ETV6: variants seen among roughly 807,000 people sequenced by gnomAD.
ETV6 encodes ETS variant transcription factor 6, also known as transcription factor ETV6.
Under a neutral mutation model 51.1 loss-of-function variants are expected in ETV6, and 16 were observed. The observed-to-expected ratio is 0.31, with a 90% CI of 0.21 to 0.48. The LOEUF (loss-of-function observed/expected upper bound fraction) is 0.48, where lower values mean the gene tolerates loss of function less well. Among genes scored for constraint, ETV6 ranks in the 20% least tolerant of loss-of-function variants. ETV6 has a pLI of 0.99. For missense variants in ETV6, 458 were observed against 594.8 expected (o/e 0.77, Z 2.39); for synonymous variants, 240 against 224.1 (o/e 1.07, Z -0.64).
At chr12:11,680,262 G>A (rs1289458260) in intron 1 of ETV6, among the ~76,000 whole-genome samples, 2 of 152,198 alleles carry the variant, frequency 1.3e-5, no homozygotes, top group Non-Finnish European at 2.9e-5. Flanking sequence ...TTGTTGGGGG[G>A]CAGGCAGTAT....
In ETV6 at chr12:11,892,478, T is replaced by C. The variant is rs552091196; in HGVS notation, c.*1432T>C. On this transcript the variant is annotated 3_prime_UTR_variant, in exon 8 of 8. Transcript: ENST00000396373. Reference sequence around the variant, plus strand: ...TGTAAAATGAGGGTAGTGCCACTTCTTAGTATTTTTGAAAGCTGTTTTAGA... The same window carrying C: ...TGTAAAATGAGGGTAGTGCCACTTCCTAGTATTTTTGAAAGCTGTTTTAGA... 5.1e-5 allele frequency: 12 copies of C among 233,180 alleles called. No homozygotes were observed. In the South Asian group the frequency reaches 2.0e-3, roughly 39 times the overall value. The allele number at this position is 233,180 out of a possible 1,614,324, so 14.4% of individuals were successfully genotyped here.
chr12:11,831,612 A>G lies in ETV6; in HGVS notation c.164-7528A>G, dbSNP rs116511397. Among the ~76,000 whole-genome samples, 143 of 152,372 alleles carry G rather than the reference A, an allele frequency of 9.4e-4. 1 individual carries two copies. The highest frequency in any genetic ancestry group is 3.3e-3 in the African/African-American group (139 of 41,594). On this transcript the variant is annotated intron_variant, in intron 2 of 7. Coordinates refer to ENST00000396373, the MANE Select transcript of ETV6 (RefSeq NM_001987.5). ...AAAAAAGGAAAAGGAGACAGGGAATATCACCTACAATTTTACTGAGTGTCA... is the reference window on the plus strand; with the variant it reads ...AAAAAAGGAAAAGGAGACAGGGAATGTCACCTACAATTTTACTGAGTGTCA...
intron 1 of ETV6, among the ~76,000 whole-genome samples, chr12:11,706,797 A>G (rs11054423): frequency 0.32 from 48,949 of 152,130 alleles, 8,082 homozygotes; most frequent in East Asian, 0.43. Context: ...GGGGCGTACA[A>G]TTTACCTTTT....
In ETV6 at chr12:11,884,522, A is replaced by G. The variant is rs780503242; in HGVS notation, c.1087A>G (p.Lys363Glu). Residue 363 changes from lysine to glutamate, a missense_variant, in exon 6 of 8, where the codon AAA (lysine) becomes GAA (glutamate). Physicochemically the swap from Lys to Glu is moderately conservative, Grantham distance 56. Around this residue, in one of 4 missense-constraint regions of ETV6, gnomAD observed 55 missense variants for 151.2 expected, o/e 0.36. Transcript: ENST00000396373. ...CGAAAACTTCATCCGATGGGAGGAC[A>G]AAGAATCCAAAATATTCCGGATAGT... Reference protein sequence around the residue: ...RYENFIRWEDKESKIFRIVDP... With the variant: ...RYENFIRWEDEESKIFRIVDP... 1 of 1,614,234 alleles carries G rather than the reference A, an allele frequency of 6.2e-7. No individual in the cohort carries two copies. The highest frequency in any genetic ancestry group is 8.5e-7 in the Non-Finnish European group (1 of 1,180,030).
At chr12:11,727,888 C>T (rs1270220388) in intron 1 of ETV6, among the ~76,000 whole-genome samples, 3 of 152,100 alleles carry the variant, frequency 2.0e-5, no homozygotes, top group African/African-American at 7.2e-5. Flanking sequence ...GGTGCGATCT[C>T]AGCTCACTCC....
chr12:11,765,493 A>C (rs1945149425), intron 2 of ETV6, among the ~76,000 whole-genome samples: 1 of 151,766 alleles, frequency 6.6e-6, no homozygotes, highest in South Asian at 2.1e-4. Context: ...TTTTAAATGG[A>C]AAATTAAAAA....
rs553489872 is a variant in ETV6, at chr12:11,806,093, G to A, written c.164-33047G>A. ...TGGCTAGAATTGTAAAGAAAAATAT[G>A]AAATTCACATGAAGGCTGGAGTTAC... On this transcript the variant is annotated intron_variant, in intron 2 of 7. Transcript: ENST00000396373. Among the ~76,000 whole-genome samples the A allele has an allele frequency of 3.9e-5, 6 of 152,290 alleles. No individual in the cohort carries two copies. In the South Asian group the frequency reaches 1.0e-3, roughly 26 times the overall value.
rs372256982 is a variant in ETV6 at position 11,676,676 on chromosome 12, G to A, written c.33+26516G>A. On this transcript the variant is annotated intron_variant, in intron 1 of 7. Transcript: ENST00000396373. ...CCTCATATGTGCCCTCATGACATCCGTTTTGAAACTTCTATCACATCACCT... is the reference window on the plus strand; with the variant it reads ...CCTCATATGTGCCCTCATGACATCCATTTTGAAACTTCTATCACATCACCT... Among the ~76,000 whole-genome samples, 87 of 152,196 alleles carry A rather than the reference G, an allele frequency of 5.7e-4. 1 individual carries two copies. The South Asian group carries it at 0.015, about 26-fold the overall frequency.
intron 2 of ETV6, among the ~76,000 whole-genome samples, chr12:11,826,838 G>A (rs1946160525): frequency 6.6e-6 from 1 of 152,144 alleles, no homozygotes. Context: ...CCTGGAAGGG[G>A]AGACGGGGTT....
chr12:11,753,772 T>C (rs1866084886), intron 2 of ETV6, among the ~76,000 whole-genome samples: 1 of 152,244 alleles, frequency 6.6e-6, no homozygotes, highest in African/African-American at 2.4e-5. Flanking sequence ...AGACGGTTGC[T>C]GGGATGTTTG....
At position 11,859,118 on chromosome 12, in the gene ETV6, G is replaced by GC. The variant is rs1565555150; in HGVS notation, c.463+5557_463+5558insC. ...TAAAGAAGATGAGGTATATGAATCT[G>GC]GTTTTTTTTTTTTTTTTTTTTTTTT... On this transcript the variant is annotated intron_variant, in intron 4 of 7. Coordinates refer to ENST00000396373, the MANE Select transcript of ETV6 (RefSeq NM_001987.5). Among the ~76,000 whole-genome samples the GC allele has an allele frequency of 5.7e-4, 24 of 41,800 alleles. 11 individuals carry two copies. Among genetic ancestry groups the GC allele is most frequent in the East Asian group, 1.5e-3 (2 of 1,318 alleles). 27.4% of individuals were successfully genotyped at this position (41,800 alleles called of 152,430 possible). A position where few individuals can be genotyped will look rare whatever the true frequency, so the allele number is the denominator to read the frequency against.
intron 2 of ETV6, among the ~76,000 whole-genome samples, chr12:11,793,357 T>C (rs1945632354): frequency 1.3e-5 from 2 of 152,234 alleles, no homozygotes; most frequent in African/African-American, 2.4e-5. Context: ...CATTTAACCA[T>C]GTTGCTGTAT....
intron 1 of ETV6, among the ~76,000 whole-genome samples, chr12:11,679,319 A>G (rs574054093): frequency 6.6e-6 from 1 of 152,358 alleles, no homozygotes; most frequent in Non-Finnish European, 1.5e-5. Context: ...GAAAGAAAAA[A>G]GTAAGACCAG....
chr12:11,747,121 G>A (rs1349445820), intron 1 of ETV6, among the ~76,000 whole-genome samples: 1 of 152,122 alleles, frequency 6.6e-6, no homozygotes, highest in African/African-American at 2.4e-5. Flanking sequence ...GGCTGAGTGG[G>A]CCATCTGGGT....
intron 2 of ETV6, among the ~76,000 whole-genome samples, chr12:11,774,438 G>A (rs1385805595): frequency 6.6e-6 from 1 of 152,188 alleles, no homozygotes; most frequent in African/African-American, 2.4e-5. Flanking sequence ...AAGAGACTAT[G>A]GACTCTGCCT....
intron 1 of ETV6, among the ~76,000 whole-genome samples, chr12:11,669,174 C>G (rs1864254783): frequency 6.6e-6 from 1 of 152,230 alleles, no homozygotes; most frequent in African/African-American, 2.4e-5. Flanking sequence ...CCCAAAACAT[C>G]AAAATGACTG....
intron 1 of ETV6, among the ~76,000 whole-genome samples, chr12:11,752,129 C>T (rs755007376): frequency 4.6e-5 from 7 of 152,178 alleles, no homozygotes; most frequent in East Asian, 3.8e-4. Flanking sequence ...AAGCCATTCT[C>T]GCGGACGTAT....
chr12:11,824,776 AG>A (rs1946129363), intron 2 of ETV6, among the ~76,000 whole-genome samples: 1 of 151,410 alleles, frequency 6.6e-6, no homozygotes, highest in South Asian at 2.1e-4. Context: ...CATCTCAAAA[AG>A]AAAAAGAAAA....
At chr12:11,818,245 C>T (rs576648315) in intron 2 of ETV6, among the ~76,000 whole-genome samples, 2 of 152,178 alleles carry the variant, frequency 1.3e-5, no homozygotes, top group Non-Finnish European at 2.9e-5. Context: ...GGGCTGGGCA[C>T]AGTGACTCAC....
Sources: allele counts gnomAD v4.1 joint callset (sites outside exome capture counted in the v4.1 genomes callset), GRCh38; gene constraint gnomAD v4.1.1; regional missense constraint gnomAD v4.1.1; transcripts MANE v1.5; gene names NCBI Gene and HGNC (gene_info 2026-07-23, HGNC 2026-07-21).